EPHB1: variants seen among roughly 807,000 people sequenced by gnomAD.
EPHB1 encodes the protein EPH receptor B1.
In EPHB1, 30 loss-of-function variants were observed where a neutral mutation model predicts 94.4. The observed-to-expected ratio is 0.32, with a 90% confidence interval of 0.24 to 0.43. EPHB1 has a LOEUF of 0.43. Among genes scored for constraint, EPHB1 ranks in the 20% least tolerant of loss-of-function variants. EPHB1 has a pLI of 1.00. For missense variants in EPHB1, 1,055 were observed against 1,308.3 expected (o/e 0.81, Z 2.99); for synonymous variants, 522 against 489.1 (o/e 1.07, Z -0.89).
chr3:135,175,716 G>A (rs769617413), intron 9 of EPHB1, among the ~76,000 whole-genome samples: 53 of 152,046 alleles, frequency 3.5e-4, no homozygotes, highest in Non-Finnish European at 6.3e-4. Flanking sequence ...ATAAAGCATT[G>A]TACGGATTAC....
chr3:135,076,843 T>C (rs376000147), intron 3 of EPHB1, among the ~76,000 whole-genome samples: 40 of 152,306 alleles, frequency 2.6e-4, no homozygotes, highest in African/African-American at 9.6e-4. Flanking sequence ...GCCAGATTTT[T>C]GAAAATGTTG....
intron 4 of EPHB1, among the ~76,000 whole-genome samples, chr3:135,129,896 T>C (rs189915232): frequency 1.3e-5 from 2 of 152,114 alleles, no homozygotes; most frequent in East Asian, 3.9e-4. Context: ...GCACAGGAAA[T>C]TTCAGGAACA....
chr3:135,027,610 G>A (rs908500985), intron 3 of EPHB1, among the ~76,000 whole-genome samples: 15 of 151,228 alleles, frequency 9.9e-5, no homozygotes, highest in African/African-American at 2.9e-4. Context: ...TGCTGGATTC[G>A]TTTTGCCAGT....
At chr3:135,086,334 G>A (rs946378405) in intron 3 of EPHB1, among the ~76,000 whole-genome samples, 13 of 151,734 alleles carry the variant, frequency 8.6e-5, no homozygotes, top group African/African-American at 2.9e-4. Context: ...CTCAGAAGTG[G>A]GGGTGGGGGA....
At chr3:135,009,907 A>G (rs190108825) in intron 3 of EPHB1, among the ~76,000 whole-genome samples, 2 of 152,346 alleles carry the variant, frequency 1.3e-5, no homozygotes, top group Admixed American at 1.3e-4. Context: ...TTTTTAAATC[A>G]AGTAATGTAC....
intron 1 of EPHB1, among the ~76,000 whole-genome samples, chr3:134,814,095 A>G (rs2036223975): frequency 6.6e-6 from 1 of 152,170 alleles, no homozygotes; most frequent in Non-Finnish European, 1.5e-5. Context: ...GCCCAGGATC[A>G]CTCAGGGAGA....
At chr3:135,193,114 T>C (rs560025874) in intron 11 of EPHB1, among the ~76,000 whole-genome samples, 1 of 152,106 alleles carries the variant, frequency 6.6e-6, no homozygotes, top group Non-Finnish European at 1.5e-5. Context: ...ATCACAGAGA[T>C]TGAAGAGACT....
intron 1 of EPHB1, among the ~76,000 whole-genome samples, chr3:134,855,203 A>G (rs1271913566): frequency 2.0e-5 from 3 of 152,220 alleles, no homozygotes; most frequent in Non-Finnish European, 4.4e-5. Context: ...TCTAAAATAG[A>G]ATGGGTTATA....
intron 15 of EPHB1, among the ~76,000 whole-genome samples, chr3:135,256,232 T>C (rs1296499124): frequency 4.6e-5 from 7 of 152,210 alleles, no homozygotes; most frequent in Admixed American, 6.5e-5. Context: ...AAAGTTAATA[T>C]TGTTATGTGT....
intron 1 of EPHB1, among the ~76,000 whole-genome samples, chr3:134,825,991 C>T (rs1225480116): frequency 2.0e-5 from 3 of 151,390 alleles, no homozygotes; most frequent in African/African-American, 7.3e-5. Context: ...CCTGTAATCT[C>T]AGCACTTTGG....
At chr3:134,949,775 C>T (rs1241322951) in intron 2 of EPHB1, among the ~76,000 whole-genome samples, 1 of 151,768 alleles carries the variant, frequency 6.6e-6, no homozygotes, top group African/African-American at 2.4e-5. Flanking sequence ...AAATTTATTC[C>T]TGGAAATATC....
intron 3 of EPHB1, among the ~76,000 whole-genome samples, chr3:134,986,745 T>C (rs868425162): frequency 1.2e-3 from 106 of 91,810 alleles, no homozygotes; most frequent in Admixed American, 2.4e-3. Context: ...CACACACACA[T>C]CCCAAACAAA....
At chr3:134,865,069 CGT>C (rs56796182) in intron 1 of EPHB1, among the ~76,000 whole-genome samples, 4 of 150,460 alleles carry the variant, frequency 2.7e-5, no homozygotes, top group East Asian at 1.9e-4. Context: ...GTAAAACATA[CGT>C]GTGTGTGTGT....
At chr3:134,992,209 A>T (rs950082495) in intron 3 of EPHB1, among the ~76,000 whole-genome samples, 5 of 152,168 alleles carry the variant, frequency 3.3e-5, no homozygotes, top group Non-Finnish European at 5.9e-5. Context: ...CTGGGACACT[A>T]GCCCAGCACT....
intron 1 of EPHB1, among the ~76,000 whole-genome samples, chr3:134,853,485 C>G (rs1037915983): frequency 2.0e-5 from 3 of 152,222 alleles, no homozygotes; most frequent in African/African-American, 7.2e-5. Context: ...CCAAAGATGG[C>G]ATCCAGGTTT....
chr3:135,076,868 A>T (rs575745073), intron 3 of EPHB1, among the ~76,000 whole-genome samples: 1 of 152,330 alleles, frequency 6.6e-6, no homozygotes, highest in South Asian at 2.1e-4. Context: ...AGTCCTAGAA[A>T]TGTCCAGAAA....
intron 7 of EPHB1, among the ~76,000 whole-genome samples, chr3:135,165,416 G>T (rs1349661487): frequency 6.6e-6 from 1 of 152,222 alleles, no homozygotes; most frequent in Non-Finnish European, 1.5e-5. Context: ...TTTGGCAGAA[G>T]CCTTGATCAT....
chr3:135,188,801 G>A (rs913745378), intron 10 of EPHB1, among the ~76,000 whole-genome samples: 4 of 152,228 alleles, frequency 2.6e-5, no homozygotes, highest in Admixed American at 2.0e-4. Context: ...ATCTCCTGGT[G>A]AGGATTAGAT....
chr3:135,058,635 C>T (rs544472213), intron 3 of EPHB1, among the ~76,000 whole-genome samples: 2 of 152,220 alleles, frequency 1.3e-5, no homozygotes, highest in Non-Finnish European at 2.9e-5. Context: ...TCTTTAAAAA[C>T]ACTTCACTTG....
Sources: gnomAD v4.1 joint callset for allele counts (sites outside exome capture counted in the v4.1 genomes callset) on GRCh38, gnomAD v4.1.1 for gene constraint, MANE v1.5 for transcripts, NCBI Gene and HGNC (gene_info 2026-07-23, HGNC 2026-07-21) for gene names.